The following ORC3 variants were observed in gnomAD, a reference collection of about 807,000 sequenced individuals.
The protein encoded by ORC3 is origin recognition complex subunit 3.
A neutral mutation model predicts 100.7 loss-of-function variants in ORC3; 78 were observed. The observed-to-expected ratio is 0.77, with a 90% CI of 0.65 to 0.94. The LOEUF (loss-of-function observed/expected upper bound fraction) is 0.94, where lower values mean the gene tolerates loss of function less well. Ranked by LOEUF, ORC3 falls within the 40% of genes least tolerant of loss-of-function variation. The pLI is 0.00. For synonymous variants in ORC3, 295 were observed against 289.3 expected (o/e 1.02, Z -0.20); for missense variants, 789 against 823.9 (o/e 0.96, Z 0.52).
chr6:87,610,553 T>A (rs865840274), intron 7 of ORC3, among the ~76,000 whole-genome samples: 9 of 132,776 alleles, frequency 6.8e-5, no homozygotes, highest in African/African-American at 2.2e-4. Context: ...TTTTTTATTT[T>A]TTATTTTTTT....
At chr6:87,645,028 T>C (rs6908386) in intron 13 of ORC3, among the ~76,000 whole-genome samples, 91,067 of 151,930 alleles carry the variant, frequency 0.6, 27,911 homozygotes, top group African/African-American at 0.72. Flanking sequence ...AGAACTGTTC[T>C]CTTTAGAAAA....
chr6:87,617,802 T>C (rs1188336834), intron 9 of ORC3, among the ~76,000 whole-genome samples: 1 of 152,196 alleles, frequency 6.6e-6, no homozygotes, highest in Non-Finnish European at 1.5e-5. Context: ...GGTGCAAAAA[T>C]TCAATTTGAT....
At chr6:87,623,076 A>G (rs1050031012) in intron 11 of ORC3, among the ~76,000 whole-genome samples, 11 of 152,350 alleles carry the variant, frequency 7.2e-5, no homozygotes, top group Non-Finnish European at 8.8e-5. Context: ...AGAATGTTAG[A>G]TCTTATACAT....
intron 9 of ORC3, among the ~76,000 whole-genome samples, chr6:87,617,362 A>C (rs1180657266): frequency 1.3e-5 from 2 of 152,116 alleles, no homozygotes; most frequent in Non-Finnish European, 2.9e-5. Flanking sequence ...GTTGTTTAAA[A>C]GTTAGTATTA....
At chr6:87,673,852 TA>T in the ORC3 span, among the ~76,000 whole-genome samples, 15 of 146,292 alleles carry the variant, frequency 1.0e-4, no homozygotes, top group East Asian at 4.1e-4. Context: ...AAAAAAAAAG[TA>T]GGGGGGAAGG....
At chr6:87,664,634 G>T in intron 17 of ORC3, 109 bp from the exon 18 acceptor site, 1 of 802,180 alleles carries the variant, frequency 1.2e-6, no homozygotes, top group South Asian at 1.5e-5. Flanking sequence ...GGGAAACCAA[G>T]ATTCCATTTA....
rs183043604 is a variant in ORC3 at position 87,645,298 on chromosome 6, A to T, written c.1383-7818A>T. Among the ~76,000 whole-genome samples the T allele has an allele frequency of 1.1e-3, 169 of 152,280 alleles. 1 individual carries two copies. The highest frequency in any genetic ancestry group is 8.8e-4 in the Non-Finnish European group (60 of 68,008). ...GTGCTGAGGAACCAGTAGACTGGACAGTTAACCTCCATTTGTGGGGTTGGC... is the reference window on the plus strand; with the variant it reads ...GTGCTGAGGAACCAGTAGACTGGACTGTTAACCTCCATTTGTGGGGTTGGC... On this transcript the variant is annotated intron_variant, in intron 13 of 19. Transcript: ENST00000392844.
At chr6:87,663,541 T>C (rs1260998226) in intron 17 of ORC3, among the ~76,000 whole-genome samples, 1 of 152,210 alleles carries the variant, frequency 6.6e-6, no homozygotes, top group Non-Finnish European at 1.5e-5. Context: ...TTGTTTCTAG[T>C]GGGAAAGAGA....
At chr6:87,675,336 A>G in the ORC3 span, 2 of 520,930 alleles carry the variant, frequency 3.8e-6, no homozygotes, top group Non-Finnish European at 6.9e-6. Flanking sequence ...AAACATTAAT[A>G]TAAGAAGCCA....
intron 11 of ORC3, among the ~76,000 whole-genome samples, chr6:87,624,389 CAGG>C (rs569801190): frequency 3.5e-4 from 54 of 152,190 alleles, no homozygotes; most frequent in African/African-American, 1.3e-3. Flanking sequence ...GAGGCTGAGG[CAGG>C]AGAATCACTT....
At position 87,653,232 on chromosome 6, in the gene ORC3, A is replaced by G; in HGVS notation, c.1499A>G (p.Gln500Arg). 1 of 1,613,672 alleles carries G rather than the reference A, an allele frequency of 6.2e-7. No homozygotes were observed. The highest frequency in any genetic ancestry group is 8.5e-7 in the Non-Finnish European group (1 of 1,179,776). ...AAGAGAATAGAGGAGTTCCTGGCCC[A>G]GTTTCAGAGCCTCGATGGTAAGAGT... ...TAKRIEEFLA[Q>R]FQSLDETKEE... The change falls in exon 14 of 20, where the codon CAG becomes CGG. Residue 500 changes from glutamine (Q) to arginine (R), a missense_variant. Physicochemically the swap from Gln to Arg is conservative, Grantham distance 43 (BLOSUM62 1). Coordinates refer to ENST00000392844, the MANE Select transcript of ORC3 (RefSeq NM_012381.4).
intron 11 of ORC3, among the ~76,000 whole-genome samples, chr6:87,634,638 G>T (rs879444497): frequency 1.3e-5 from 2 of 152,224 alleles, no homozygotes; most frequent in African/African-American, 2.4e-5. Context: ...ATTCTGGCTT[G>T]TGTAAAGTAT....
chr6:87,645,619 T>G (rs1768702732), intron 13 of ORC3, among the ~76,000 whole-genome samples: 1 of 152,210 alleles, frequency 6.6e-6, no homozygotes, highest in African/African-American at 2.4e-5. Flanking sequence ...TGGTAATGTT[T>G]GTTTAGAATT....
intron 13 of ORC3, among the ~76,000 whole-genome samples, chr6:87,645,232 A>G (rs1177833709): frequency 6.6e-6 from 1 of 152,222 alleles, no homozygotes; most frequent in African/African-American, 2.4e-5. Flanking sequence ...GTAGAGAGCT[A>G]CAATTCAGAG....
chr6:87,653,163 A>G lies in ORC3; in HGVS notation c.1430A>G (p.Lys477Arg). ...ATGACCATACTTGAGAAATGTTTCA[A>G]GGTTTTTAAGTCTTATTGTGAAAAC... is the stretch of plus-strand genomic sequence containing the variant. Reference protein sequence around the residue: ...ELMTILEKCFKVFKSYCENHL... With the variant: ...ELMTILEKCFRVFKSYCENHL... Residue 477 changes from lysine to arginine, a missense_variant, in exon 14 of 20, where the codon AAG (lysine) becomes AGG (arginine). Lys to Arg is a conservative substitution (Grantham distance 26). Transcript: ENST00000392844. 1 of 1,613,580 alleles carries G rather than the reference A, an allele frequency of 6.2e-7. No individual in the cohort carries two copies. Among genetic ancestry groups the G allele is most frequent in the Non-Finnish European group, 8.5e-7 (1 of 1,179,510 alleles).
Position 87,605,822 on chromosome 6 carries a change from T to G in ORC3, c.323-95T>G. ...TTTCTGTTATTAATCATTTTTTAAA[T>G]GTTTTTACTTGTTTGCTTGATATGT... On this transcript the variant is annotated intron_variant, in intron 4 of 19. Coordinates refer to ENST00000392844, the MANE Select transcript of ORC3 (RefSeq NM_012381.4). 2 of 658,416 alleles carry G rather than the reference T, an allele frequency of 3.0e-6. No homozygotes were observed. The highest frequency in any genetic ancestry group is 2.0e-5 in the South Asian group (1 of 49,440). The allele number at this position is 658,416 out of a possible 1,614,324, so 40.8% of individuals were successfully genotyped here.
intron 13 of ORC3, among the ~76,000 whole-genome samples, chr6:87,645,919 A>G (rs915144957): frequency 4.0e-5 from 6 of 151,864 alleles, no homozygotes; most frequent in Non-Finnish European, 7.4e-5. Flanking sequence ...CTTTTAATAC[A>G]TTAGGTATCA....
Position 87,664,840 on chromosome 6 carries a change from A to G in ORC3, c.1931A>G (p.Asn644Ser). 1.2e-6 allele frequency: 2 copies of G among 1,610,460 alleles called. No individual in the cohort carries two copies. The highest frequency in any genetic ancestry group is 1.3e-5 in the African/African-American group (1 of 74,970). The change falls in exon 18 of 20, where the codon AAC (asparagine) becomes AGC (serine). Residue 644 changes from asparagine to serine, a missense_variant. Coordinates refer to ENST00000392844, the MANE Select transcript of ORC3 (RefSeq NM_012381.4). ...KLHLECSRLI[N>S]LVDWSEAFAT... ...CACCTAGAGTGTAGCAGGCTCATCA[A>G]CCTCGTGGACTGGTCAGAGGTAGGT...
chr6:87,647,559 G>A (rs1035435754), intron 13 of ORC3, among the ~76,000 whole-genome samples: 6 of 152,010 alleles, frequency 3.9e-5, no homozygotes, highest in Admixed American at 6.6e-5. Flanking sequence ...AATTTTTAAC[G>A]CATATATCGT....
Sources: gnomAD v4.1 joint callset for allele counts (sites outside exome capture counted in the v4.1 genomes callset) on GRCh38, gnomAD v4.1.1 for gene constraint, MANE v1.5 for transcripts, NCBI Gene and HGNC (gene_info 2026-07-23, HGNC 2026-07-21) for gene names.